Variants in SLC44A5 observed in about 807,000 individuals in gnomAD.
The protein encoded by SLC44A5 is solute carrier family 44 member 5, also known as choline transporter-like protein 5.
Under a neutral mutation model 101.8 loss-of-function variants are expected in SLC44A5, and 57 were observed. The ratio of observed to expected loss-of-function variants is 0.56; its 90% CI spans 0.45 to 0.70. SLC44A5 has a LOEUF of 0.70. Among genes scored for constraint, SLC44A5 ranks in the 30% least tolerant of loss-of-function variants. SLC44A5 has a pLI of 0.00. For synonymous variants in SLC44A5, 281 were observed against 290.9 expected, an observed-to-expected ratio of 0.97 and a Z score of 0.35; for missense variants, 737 against 853.1, an observed-to-expected ratio of 0.86 and a Z score of 1.70.
chr1:75,650,246 A>G, the SLC44A5 span, among the ~76,000 whole-genome samples: 2 of 152,100 alleles, frequency 1.3e-5, no homozygotes, highest in Non-Finnish European at 2.9e-5. Flanking sequence ...TCTAAACATC[A>G]TCTGTATTAT....
the SLC44A5 span, among the ~76,000 whole-genome samples, chr1:75,719,678 TTGTAATCCTTG>T: frequency 6.6e-6 from 1 of 152,194 alleles, no homozygotes; most frequent in African/African-American, 2.4e-5. Flanking sequence ...TCTCTTCTGA[TTGTAATCCTTG>T]TGTGGATTGT....
intron 3 of SLC44A5, among the ~76,000 whole-genome samples, chr1:75,358,000 A>T (rs1659206032): frequency 9.0e-6 from 1 of 111,024 alleles, no homozygotes; most frequent in Admixed American, 1.0e-4. Flanking sequence ...CTTCAATGTC[A>T]CTTACACACA....
chr1:75,259,118 TCTC>T, intron 6 of SLC44A5, among the ~76,000 whole-genome samples: 1 of 152,200 alleles, frequency 6.6e-6, no homozygotes, highest in Non-Finnish European at 1.5e-5. Context: ...GAATGCATCT[TCTC>T]CTGCAAAGGA....
intron 3 of SLC44A5, among the ~76,000 whole-genome samples, chr1:75,342,311 G>A (rs929034371): frequency 3.3e-5 from 5 of 152,130 alleles, no homozygotes; most frequent in Admixed American, 2.0e-4. Flanking sequence ...ATTCCACATA[G>A]AACGCAATGT....
intron 1 of SLC44A5, among the ~76,000 whole-genome samples, chr1:75,548,715 G>A (rs549434852): frequency 6.6e-6 from 1 of 152,222 alleles, no homozygotes; most frequent in South Asian, 2.1e-4. Flanking sequence ...CTTGGAAACT[G>A]TGGCATAGAG....
intron 2 of SLC44A5, among the ~76,000 whole-genome samples, chr1:75,522,508 C>A (rs986749935): frequency 1.3e-5 from 2 of 152,142 alleles, no homozygotes; most frequent in Admixed American, 1.3e-4. Context: ...GTCTGCCCTG[C>A]CAGATTCTTT....
At chr1:75,341,153 G>T (rs1023383285) in intron 3 of SLC44A5, among the ~76,000 whole-genome samples, 31 of 152,152 alleles carry the variant, frequency 2.0e-4, no homozygotes, top group African/African-American at 6.8e-4. Context: ...ATATGAAGAG[G>T]AATTTTTCAG....
At chr1:75,465,057 A>G (rs555128180) in intron 2 of SLC44A5, among the ~76,000 whole-genome samples, 199 of 152,332 alleles carry the variant, frequency 1.3e-3, no homozygotes, top group Non-Finnish European at 2.4e-3. Context: ...TATTTACAGA[A>G]CATTTTATCC....
At chr1:75,575,923 T>C (rs185803574) in intron 1 of SLC44A5, among the ~76,000 whole-genome samples, 1,577 of 152,228 alleles carry the variant, frequency 0.01, 40 homozygotes, top group African/African-American at 0.036. Flanking sequence ...TAACCAGGAA[T>C]GGCAAGAACT....
At chr1:75,430,691 A>C (rs1664566350) in intron 2 of SLC44A5, among the ~76,000 whole-genome samples, 1 of 152,198 alleles carries the variant, frequency 6.6e-6, no homozygotes, top group Non-Finnish European at 1.5e-5. Context: ...TCCCCAGAGA[A>C]TCTGACTCAA....
intron 9 of SLC44A5, among the ~76,000 whole-genome samples, chr1:75,240,402 C>T (rs906194829): frequency 1.3e-5 from 2 of 152,072 alleles, no homozygotes; most frequent in African/African-American, 4.8e-5. Flanking sequence ...TCTCACTAGA[C>T]TGTGAGGGAC....
At chr1:75,424,714 G>A (rs1664204072) in intron 2 of SLC44A5, among the ~76,000 whole-genome samples, 1 of 152,132 alleles carries the variant, frequency 6.6e-6, no homozygotes, top group African/African-American at 2.4e-5. Context: ...GGACACCTAA[G>A]AAGATGAAAG....
intron 2 of SLC44A5, among the ~76,000 whole-genome samples, chr1:75,432,621 AT>A (rs897060204): frequency 6.6e-6 from 1 of 152,076 alleles, no homozygotes; most frequent in Non-Finnish European, 1.5e-5. Context: ...TTGAGAGACT[AT>A]TTTTGCTGTG....
chr1:75,667,847 G>A, the SLC44A5 span, among the ~76,000 whole-genome samples: 1 of 151,580 alleles, frequency 6.6e-6, no homozygotes. Flanking sequence ...TGATTAAACA[G>A]ATGGAAAAAC....
At chr1:75,295,411 GAGATA>G (rs1345418602) in intron 5 of SLC44A5, among the ~76,000 whole-genome samples, 5 of 152,156 alleles carry the variant, frequency 3.3e-5, no homozygotes, top group African/African-American at 1.2e-4. Context: ...AGAGAAGGAA[GAGATA>G]AGACCTCAAA....
chr1:75,282,646 G>A (rs1570567644), intron 5 of SLC44A5, among the ~76,000 whole-genome samples: 1 of 152,146 alleles, frequency 6.6e-6, no homozygotes, highest in South Asian at 2.1e-4. Context: ...TAGATCATGG[G>A]TGCAGTTTCG....
intron 5 of SLC44A5, among the ~76,000 whole-genome samples, chr1:75,299,559 C>T (rs1431947515): frequency 6.6e-6 from 1 of 152,208 alleles, no homozygotes; most frequent in Non-Finnish European, 1.5e-5. Flanking sequence ...ACTTTCACAA[C>T]TTTCACCCTA....
intron 5 of SLC44A5, among the ~76,000 whole-genome samples, chr1:75,279,623 T>C (rs1652224644): frequency 6.7e-6 from 1 of 149,504 alleles, no homozygotes; most frequent in Non-Finnish European, 1.5e-5. Flanking sequence ...GAAAAAACCT[T>C]TTTTTTGTTC....
At chr1:75,468,906 G>A (rs1033233619) in intron 2 of SLC44A5, among the ~76,000 whole-genome samples, 2 of 152,210 alleles carry the variant, frequency 1.3e-5, no homozygotes, top group East Asian at 1.9e-4. Flanking sequence ...ATTATACATT[G>A]CATACCTGCA....
Sources: gnomAD v4.1 joint callset for allele counts (sites outside exome capture counted in the v4.1 genomes callset) on GRCh38, gnomAD v4.1.1 for gene constraint, MANE v1.5 for transcripts, NCBI Gene and HGNC (gene_info 2026-07-23, HGNC 2026-07-21) for gene names.